ADCY2: variants seen among roughly 807,000 people sequenced by gnomAD.
The protein encoded by ADCY2 is adenylate cyclase type 2.
A neutral mutation model predicts 125.2 loss-of-function variants in ADCY2; 31 were observed. The observed-to-expected ratio is 0.25, with a 90% CI of 0.19 to 0.33. The LOEUF (loss-of-function observed/expected upper bound fraction) is 0.33. Ranked by LOEUF, ADCY2 falls within the 10% of genes least tolerant of loss-of-function variation. The probability of loss-of-function intolerance (pLI) is 1.00; values close to 1 mark genes in which losing one functional copy is unlikely to be tolerated. For missense variants in ADCY2, 904 were observed against 1,418.2 expected, an observed-to-expected ratio of 0.64 and a Z score of 5.82; for synonymous variants, 512 against 548.4, an observed-to-expected ratio of 0.93 and a Z score of 0.93.
intron 3 of ADCY2, among the ~76,000 whole-genome samples, chr5:7,579,050 T>C (rs1390152975): frequency 6.6e-6 from 1 of 152,208 alleles, no homozygotes; most frequent in African/African-American, 2.4e-5. Flanking sequence ...AGGAAAGTCA[T>C]TTATTCTCTG....
chr5:7,496,617 A>G (rs953219118), intron 2 of ADCY2, among the ~76,000 whole-genome samples: 3 of 152,166 alleles, frequency 2.0e-5, no homozygotes, highest in African/African-American at 7.2e-5. Context: ...TGGATAATGC[A>G]TATAAGATTA....
At chr5:7,778,513 C>G (rs151244303) in intron 18 of ADCY2, among the ~76,000 whole-genome samples, 294 of 152,328 alleles carry the variant, frequency 1.9e-3, no homozygotes, top group African/African-American at 6.8e-3. Context: ...CAGTGATAAA[C>G]AGTGCTTAGC....
intron 4 of ADCY2, chr5:7,654,008 C>T: frequency 2.2e-6 from 1 of 455,112 alleles, no homozygotes; most frequent in East Asian, 7.0e-5. Flanking sequence ...AGCCACACGT[C>T]TAGAGGTCAT....
chr5:7,592,498 C>T (rs1228115897), intron 3 of ADCY2, among the ~76,000 whole-genome samples: 19 of 151,930 alleles, frequency 1.3e-4, no homozygotes, highest in Non-Finnish European at 7.4e-5. Flanking sequence ...AGACGTAATG[C>T]CCAGCAGTGC....
intron 11 of ADCY2, among the ~76,000 whole-genome samples, chr5:7,715,661 G>A (rs892701574): frequency 2.0e-4 from 30 of 151,966 alleles, no homozygotes; most frequent in African/African-American, 6.8e-4. Flanking sequence ...TCTGTGGGAG[G>A]ATCACTTAAT....
chr5:7,533,103 A>G (rs1286480309), intron 3 of ADCY2, among the ~76,000 whole-genome samples: 1 of 150,092 alleles, frequency 6.7e-6, no homozygotes, highest in Middle Eastern at 3.3e-3. Flanking sequence ...ATACATGTAT[A>G]TATACACATA....
intron 15 of ADCY2, among the ~76,000 whole-genome samples, chr5:7,744,006 A>G (rs1194409452): frequency 6.6e-6 from 1 of 152,196 alleles, no homozygotes; most frequent in African/African-American, 2.4e-5. Context: ...ATTCTTGCTT[A>G]TTTGGTGTCA....
intron 7 of ADCY2, among the ~76,000 whole-genome samples, chr5:7,705,619 G>T (rs1002366010): frequency 1.3e-5 from 2 of 152,152 alleles, no homozygotes; most frequent in Admixed American, 1.3e-4. Flanking sequence ...GCAGAGGGGT[G>T]GGGGTGGGTC....
At chr5:7,643,762 C>T (rs1738793136) in intron 4 of ADCY2, among the ~76,000 whole-genome samples, 1 of 151,470 alleles carries the variant, frequency 6.6e-6, no homozygotes, top group African/African-American at 2.4e-5. Context: ...GTCTCTCATT[C>T]TGTTTCCTGA....
intron 2 of ADCY2, among the ~76,000 whole-genome samples, chr5:7,433,233 T>G (rs1422869331): frequency 6.6e-6 from 1 of 152,222 alleles, no homozygotes; most frequent in Non-Finnish European, 1.5e-5. Flanking sequence ...ATAAAGTTAC[T>G]GAGATGGTCT....
chr5:7,802,134 G>A lies in ADCY2; in HGVS notation c.2629-84G>A. On this transcript the variant is annotated intron_variant, in intron 20 of 24. Coordinates refer to ENST00000338316, the MANE Select transcript of ADCY2 (RefSeq NM_020546.3). The surrounding 1 kb of genome is among the most constrained non-coding windows in gnomAD (Gnocchi z 4.6). ...TTGGGCGATGTCTGTGTGAATCCTGGCATAAACAAGCCACTTGCCTGTGGA... is the reference window on the plus strand; with the variant it reads ...TTGGGCGATGTCTGTGTGAATCCTGACATAAACAAGCCACTTGCCTGTGGA... The A allele has an allele frequency of 6.7e-7, 1 of 1,492,952 alleles. No individual in the cohort carries two copies. 92.5% of individuals were successfully genotyped at this position (1,492,952 alleles called of 1,614,324 possible). A position where few individuals can be genotyped will look rare whatever the true frequency, so the allele number is the denominator to read the frequency against.
intron 3 of ADCY2, among the ~76,000 whole-genome samples, chr5:7,547,623 T>C (rs1735188782): frequency 6.6e-6 from 1 of 152,196 alleles, no homozygotes; most frequent in South Asian, 2.1e-4. Flanking sequence ...GTTCCCTGTG[T>C]TATCAATGGC....
intron 3 of ADCY2, among the ~76,000 whole-genome samples, chr5:7,539,183 C>T (rs2221182): frequency 0.39 from 59,821 of 151,786 alleles, 12,764 homozygotes; most frequent in Non-Finnish European, 0.47. Context: ...AAATTTTAGC[C>T]ACATTGTATT....
chr5:7,625,807 A>G (rs563941435), intron 3 of ADCY2, among the ~76,000 whole-genome samples: 2 of 152,176 alleles, frequency 1.3e-5, no homozygotes, highest in Non-Finnish European at 2.9e-5. Flanking sequence ...TTTCCTAATG[A>G]GGTGCAAGAG....
Position 7,677,031 on chromosome 5 carries a change from C to G in ADCY2, c.721-13660C>G, listed in dbSNP as rs1467592849. Among the ~76,000 whole-genome samples, 5 of 152,110 alleles carry G rather than the reference C, an allele frequency of 3.3e-5. No individual in the cohort carries two copies. In the East Asian group the frequency reaches 9.7e-4, roughly 29 times the overall value. On this transcript the variant is annotated intron_variant, in intron 4 of 24. Coordinates refer to ENST00000338316, the MANE Select transcript of ADCY2 (RefSeq NM_020546.3). ...GTGGCTCACACCTGTAATCCCTGCGCTTTGGGAGGCCGAGGCAGGCGGATC... is the reference window on the plus strand; with the variant it reads ...GTGGCTCACACCTGTAATCCCTGCGGTTTGGGAGGCCGAGGCAGGCGGATC...
intron 4 of ADCY2, 86 bp downstream of exon 4, chr5:7,626,402 C>A: frequency 1.4e-6 from 2 of 1,438,014 alleles, no homozygotes; most frequent in South Asian, 1.3e-5. Context: ...GTCGTTCATT[C>A]ATTCATGAGC....
At chr5:7,546,129 C>T (rs1363713821) in intron 3 of ADCY2, among the ~76,000 whole-genome samples, 7 of 152,266 alleles carry the variant, frequency 4.6e-5, no homozygotes, top group East Asian at 3.9e-4. Context: ...AAAATGTTTT[C>T]GGAAAAGTAC....
At chr5:7,809,108 T>G (rs1011912563) in intron 22 of ADCY2, among the ~76,000 whole-genome samples, 7 of 152,326 alleles carry the variant, frequency 4.6e-5, no homozygotes, top group African/African-American at 1.7e-4. Flanking sequence ...TAGTAAGTAA[T>G]AAAAATGCTA....
Position 7,396,473 on chromosome 5 carries a change from C to T in ADCY2, c.177C>T (p.Leu59=), listed in dbSNP as rs1375303506. The T allele has an allele frequency of 3.8e-6, 6 of 1,570,306 alleles. No homozygotes were observed. Among genetic ancestry groups the T allele is most frequent in the South Asian group, 1.1e-5 (1 of 87,634 alleles). Residue 59 remains leucine (L), a synonymous_variant, in exon 1 of 25, where the codon CTC becomes CTT. Coordinates refer to ENST00000338316, the MANE Select transcript of ADCY2 (RefSeq NM_020546.3). The surrounding 1 kb of genome is among the most constrained non-coding windows in gnomAD (Gnocchi z 5.7). ...TGCTCATCGTCATGGGCTCCTGCCT[C>T]GCCCTGCTCGCCGTCTTCTTCGCGC... ...FLLLIVMGSC[L]ALLAVFFALG...
Sources: gnomAD v4.1 joint callset for allele counts (sites outside exome capture counted in the v4.1 genomes callset) on GRCh38, gnomAD v4.1.1 for gene constraint, Gnocchi (gnomAD v3.1) non-coding constraint, MANE v1.5 for transcripts, NCBI Gene and HGNC (gene_info 2026-07-23, HGNC 2026-07-21) for gene names.